The following MARCHF10 variants were observed in gnomAD, a reference collection of about 807,000 sequenced individuals.
The protein encoded by MARCHF10 is probable E3 ubiquitin-protein ligase MARCHF10.
MARCHF10 carries 64 observed loss-of-function variants against 76.2 expected under a neutral mutation model. The observed-to-expected ratio is 0.84, with a 90% CI of 0.69 to 1.03. The LOEUF (loss-of-function observed/expected upper bound fraction) is 1.03, where lower values mean the gene tolerates loss of function less well. MARCHF10 is among the 50% of genes least tolerant of loss of function. The pLI is 0.00. For missense variants in MARCHF10, 875 were observed against 958.0 expected (o/e 0.91, Z 1.14); for synonymous variants, 340 against 357.5 (o/e 0.95, Z 0.55).
Position 62,705,559 on chromosome 17 carries a change from G to T in MARCHF10, c.2351C>A (p.Pro784His), listed in dbSNP as rs1272728695. The T allele has an allele frequency of 1.9e-6, 3 of 1,614,048 alleles. No individual in the cohort carries two copies. The highest frequency in any genetic ancestry group is 1.7e-6 in the Non-Finnish European group (2 of 1,179,994). Reference sequence around the variant, plus strand: ...CCTACTTTCATTTTCCTCTGTTCTGGGTTGTGGGTAATTTCTTGACAACTA... The same window carrying T: ...CCTACTTTCATTTTCCTCTGTTCTGTGTTGTGGGTAATTTCTTGACAACTA... ...RERLSRNYPQ[P>H]RTEENENSEL... Residue 784 changes from proline (P) to histidine (H), a missense_variant, in exon 10 of 11, where the codon CCC becomes CAC. Physicochemically the swap from Pro to His is moderately conservative, Grantham distance 77. Transcript: ENST00000311269.
intron 3 of MARCHF10, among the ~76,000 whole-genome samples, chr17:62,765,529 C>A (rs2092309551): frequency 6.6e-6 from 1 of 152,010 alleles, no homozygotes; most frequent in Non-Finnish European, 1.5e-5. Flanking sequence ...GTGGCCCTGG[C>A]TGGAGAGTGG....
chr17:62,744,621 G>A, intron 4 of MARCHF10, 93 bp from the exon 5 acceptor site: 1 of 1,375,880 alleles, frequency 7.3e-7, no homozygotes, highest in Non-Finnish European at 9.8e-7. Context: ...AATGTTTGGG[G>A]GTGGGGTTAG....
intron 2 of MARCHF10, among the ~76,000 whole-genome samples, chr17:62,795,356 CAAAAAAAA>C (rs61564298): frequency 1.6e-3 from 85 of 52,942 alleles, no homozygotes; most frequent in South Asian, 7.4e-3. Flanking sequence ...ATCATTTGAT[CAAAAAAAA>C]AAAAAAAAAA....
intron 3 of MARCHF10, among the ~76,000 whole-genome samples, chr17:62,761,865 G>C (rs921470256): frequency 6.6e-6 from 1 of 152,166 alleles, no homozygotes; most frequent in Non-Finnish European, 1.5e-5. Context: ...CCCAAGAAGA[G>C]CATCAATGAA....
intron 1 of MARCHF10, among the ~76,000 whole-genome samples, chr17:62,803,379 C>T (rs1387675793): frequency 6.6e-6 from 1 of 151,630 alleles, no homozygotes; most frequent in Non-Finnish European, 1.5e-5. Context: ...TAGAGTAAAA[C>T]AAAGAAGTGG....
rs143681485 is a variant in MARCHF10, at chr17:62,763,292, C to G, written c.211-3286G>C. 5.6e-4 allele frequency among the ~76,000 whole-genome samples: 85 copies of G among 152,278 alleles called. 1 individual carries two copies. Among genetic ancestry groups the G allele is most frequent in the African/African-American group, 2.0e-3 (82 of 41,550 alleles). Reference sequence around the variant, plus strand: ...CAGTGAAAAATCCTATTGGATTTCACCTATTCCAAAAGGGTGGTATGAATG... The same window carrying G: ...CAGTGAAAAATCCTATTGGATTTCAGCTATTCCAAAAGGGTGGTATGAATG... On this transcript the variant is annotated intron_variant, in intron 3 of 10. Transcript: ENST00000311269.
intron 2 of MARCHF10, among the ~76,000 whole-genome samples, chr17:62,791,617 A>G (rs570226888): frequency 3.9e-5 from 6 of 152,336 alleles, no homozygotes; most frequent in Non-Finnish European, 8.8e-5. Flanking sequence ...TTAAACTTTT[A>G]TCTTGACAGA....
intron 2 of MARCHF10, among the ~76,000 whole-genome samples, chr17:62,797,293 C>T (rs935240093): frequency 2.0e-5 from 3 of 152,176 alleles, no homozygotes; most frequent in Non-Finnish European, 4.4e-5. Flanking sequence ...CAACCTCCGC[C>T]TCCCGGGTTC....
chr17:62,732,848 C>G (rs2091087256), intron 6 of MARCHF10, among the ~76,000 whole-genome samples: 4 of 151,628 alleles, frequency 2.6e-5, no homozygotes, highest in East Asian at 3.9e-4. Flanking sequence ...CAAAAATTAG[C>G]TGGGCGTGGT....
intron 8 of MARCHF10, among the ~76,000 whole-genome samples, chr17:62,720,514 C>T (rs530080538): frequency 6.6e-6 from 1 of 152,346 alleles, no homozygotes; most frequent in South Asian, 2.1e-4. Context: ...TCTGATAAAA[C>T]CTCCAAAGGT....
chr17:62,785,022 T>C (rs992356659), intron 3 of MARCHF10, among the ~76,000 whole-genome samples: 5 of 152,066 alleles, frequency 3.3e-5, no homozygotes, highest in Non-Finnish European at 5.9e-5. Flanking sequence ...TTGGAAAAAC[T>C]CCTTTAAAGT....
rs2089229016 is a variant in MARCHF10 at position 62,701,442 on chromosome 17, G to A, written c.*261C>T. The A allele has an allele frequency of 1.4e-6, 1 of 734,350 alleles. No individual in the cohort carries two copies. The highest frequency in any genetic ancestry group is 3.1e-5 in the Admixed American group (1 of 31,874). The allele number at this position is 734,350 out of a possible 1,614,324, so 45.5% of individuals were successfully genotyped here. A position where few individuals can be genotyped will look rare whatever the true frequency, so the allele number is the denominator to read the frequency against. On this transcript the variant is annotated 3_prime_UTR_variant, in exon 11 of 11. Coordinates refer to ENST00000311269, the MANE Select transcript of MARCHF10 (RefSeq NM_152598.4). ...GACCTGGCAGGGCTTCTGGGCTAAG[G>A]GGGCAGCACCAGGCCAGCCTGCCAG...
At chr17:62,776,076 C>A (rs999815174) in intron 3 of MARCHF10, among the ~76,000 whole-genome samples, 4 of 152,176 alleles carry the variant, frequency 2.6e-5, no homozygotes, top group African/African-American at 9.7e-5. Context: ...GGATTACAGG[C>A]ATGAGTCACT....
intron 5 of MARCHF10, 65 bp from the exon 6 acceptor site, chr17:62,737,397 A>T: frequency 6.7e-7 from 1 of 1,490,136 alleles, no homozygotes; most frequent in Non-Finnish European, 9.1e-7. Context: ...GGCCTCTAGC[A>T]CCAAGTGCAA....
intron 4 of MARCHF10, among the ~76,000 whole-genome samples, chr17:62,751,214 C>A (rs374457175): frequency 6.6e-6 from 1 of 152,192 alleles, no homozygotes; most frequent in Admixed American, 6.5e-5. Context: ...TACCCCCTCA[C>A]GCCTGACAAA....
At chr17:62,705,014 C>T in intron 10 of MARCHF10, 2 of 987,990 alleles carry the variant, frequency 2.0e-6, no homozygotes, top group Non-Finnish European at 2.4e-6. Flanking sequence ...TGCAGAGAGC[C>T]GTCTTGCCCG....
chr17:62,730,542 T>C (rs913422222), intron 6 of MARCHF10, among the ~76,000 whole-genome samples: 4 of 152,178 alleles, frequency 2.6e-5, no homozygotes, highest in Non-Finnish European at 5.9e-5. Context: ...GTTGTCACTG[T>C]TCTTTGAGGA....
rs77133409 is a variant in MARCHF10 at position 62,804,460 on chromosome 17, A to C, written c.-17-2708T>G. ...AGAGAAACTCTGCGGAAAAAAAAGAAAAAGCCAGAGAGGCAGGAAGAAACC... is the reference window on the plus strand; with the variant it reads ...AGAGAAACTCTGCGGAAAAAAAAGACAAAGCCAGAGAGGCAGGAAGAAACC... On this transcript the variant is annotated intron_variant, in intron 1 of 10. Transcript: ENST00000311269. Among the ~76,000 whole-genome samples, 1,204 of 152,296 alleles carry C rather than the reference A, an allele frequency of 7.9e-3. 14 individuals are homozygous for C. Among genetic ancestry groups the C allele is most frequent in the African/African-American group, 0.027 (1,126 of 41,554 alleles).
At chr17:62,729,799 C>G (rs1411456975) in intron 6 of MARCHF10, among the ~76,000 whole-genome samples, 1 of 152,094 alleles carries the variant, frequency 6.6e-6, no homozygotes, top group Non-Finnish European at 1.5e-5. Flanking sequence ...GTCTTGAACT[C>G]CTGGCCCCAG....
Sources: gnomAD v4.1 joint callset for allele counts (sites outside exome capture counted in the v4.1 genomes callset) on GRCh38, gnomAD v4.1.1 for gene constraint, MANE v1.5 for transcripts, NCBI Gene and HGNC (gene_info 2026-07-23, HGNC 2026-07-21) for gene names.